Variants in MAGI3 observed in about 807,000 individuals in gnomAD.
MAGI3 encodes membrane-associated guanylate kinase, WW and PDZ domain-containing protein 3.
A neutral mutation model predicts 121.8 loss-of-function variants in MAGI3; 43 were observed. That is an observed-to-expected ratio of 0.35 (90% CI 0.28 to 0.46). The LOEUF (loss-of-function observed/expected upper bound fraction) is 0.46. Among genes scored for constraint, MAGI3 ranks in the 20% least tolerant of loss-of-function variants. The pLI is 1.00. For missense variants in MAGI3, 1,547 were observed against 1,797.3 expected (o/e 0.86, Z 2.52); for synonymous variants, 553 against 639.3 (o/e 0.86, Z 2.04).
At chr1:113,441,140 C>A (rs1323737480) in intron 1 of MAGI3, among the ~76,000 whole-genome samples, 1 of 152,102 alleles carries the variant, frequency 6.6e-6, no homozygotes, top group Non-Finnish European at 1.5e-5. Flanking sequence ...ATGTCAACTT[C>A]CGGAAGATGA....
chr1:113,591,315 A>T (rs1648676938), intron 5 of MAGI3, among the ~76,000 whole-genome samples: 1 of 152,166 alleles, frequency 6.6e-6, no homozygotes, highest in South Asian at 2.1e-4. Context: ...GAATTTTTAT[A>T]TTCTCACGTA....
At chr1:113,401,841 C>T (rs1167806659) in intron 1 of MAGI3, among the ~76,000 whole-genome samples, 10 of 152,108 alleles carry the variant, frequency 6.6e-5, no homozygotes, top group Admixed American at 5.9e-4. Flanking sequence ...TTAAGTAGAC[C>T]TTTCTCCTTC....
At chr1:113,633,025 G>A (rs1651736925) in intron 9 of MAGI3, among the ~76,000 whole-genome samples, 1 of 147,922 alleles carries the variant, frequency 6.8e-6, no homozygotes, top group Admixed American at 6.7e-5. Flanking sequence ...TTAGCATTAG[G>A]TATATCTCCT....
intron 2 of MAGI3, among the ~76,000 whole-genome samples, chr1:113,571,295 C>T (rs1453739422): frequency 6.6e-6 from 1 of 152,016 alleles, no homozygotes; most frequent in Non-Finnish European, 1.5e-5. Context: ...GGTTACTTTA[C>T]CCTTGTAGTA....
intron 4 of MAGI3, among the ~76,000 whole-genome samples, chr1:113,589,314 T>C (rs146263023): frequency 3.3e-5 from 5 of 152,242 alleles, no homozygotes; most frequent in Non-Finnish European, 7.4e-5. Flanking sequence ...TGTGCTATGA[T>C]CATCATGCAT....
chr1:113,588,705 G>A (rs1307367647), intron 4 of MAGI3, among the ~76,000 whole-genome samples: 3 of 152,150 alleles, frequency 2.0e-5, no homozygotes, highest in African/African-American at 7.2e-5. Flanking sequence ...ATGGAACTGA[G>A]AAATGATCAT....
At chr1:113,624,057 A>G (rs146235104) in intron 9 of MAGI3, among the ~76,000 whole-genome samples, 3,529 of 152,286 alleles carry the variant, frequency 0.023, 146 homozygotes, top group African/African-American at 0.08. Context: ...TTATGGCTGA[A>G]TAGTACTCCA....
chr1:113,533,739 A>T (rs1207321413), intron 1 of MAGI3, among the ~76,000 whole-genome samples: 6 of 151,392 alleles, frequency 4.0e-5, no homozygotes, highest in Non-Finnish European at 8.8e-5. Context: ...CAGAGTTTTC[A>T]TCTTAATCTC....
chr1:113,400,627 A>G (rs759336270), intron 1 of MAGI3, among the ~76,000 whole-genome samples: 3 of 152,186 alleles, frequency 2.0e-5, no homozygotes, highest in African/African-American at 7.2e-5. Flanking sequence ...ATATTGATTA[A>G]TTAAGCCATG....
chr1:113,413,435 G>A (rs1220613342), intron 1 of MAGI3, among the ~76,000 whole-genome samples: 1 of 152,110 alleles, frequency 6.6e-6, no homozygotes, highest in Non-Finnish European at 1.5e-5. Flanking sequence ...GTAGCTTCAT[G>A]GGGATGGCAT....
chr1:113,508,628 G>A (rs1657459357), intron 1 of MAGI3, among the ~76,000 whole-genome samples: 1 of 152,220 alleles, frequency 6.6e-6, no homozygotes, highest in Admixed American at 6.5e-5. Context: ...AGAGATGTGA[G>A]TGCTGATATG....
At chr1:113,619,224 T>C (rs995486377) in intron 7 of MAGI3, among the ~76,000 whole-genome samples, 17 of 152,192 alleles carry the variant, frequency 1.1e-4, no homozygotes, top group East Asian at 3.8e-4. Flanking sequence ...ATACTATAGT[T>C]GATAAAAGCA....
intron 3 of MAGI3, among the ~76,000 whole-genome samples, chr1:113,582,823 T>C (rs969556241): frequency 6.7e-6 from 1 of 148,804 alleles, no homozygotes; most frequent in Non-Finnish European, 1.5e-5. Flanking sequence ...AATCTAGCAA[T>C]AATATCTAGA....
chr1:113,450,987 G>T (rs964302143), intron 1 of MAGI3, among the ~76,000 whole-genome samples: 1 of 152,174 alleles, frequency 6.6e-6, no homozygotes, highest in Non-Finnish European at 1.5e-5. Flanking sequence ...TCAATTAGAT[G>T]TACATTCCTG....
chr1:113,423,264 G>T (rs542584042), intron 1 of MAGI3, among the ~76,000 whole-genome samples: 12 of 148,958 alleles, frequency 8.1e-5, no homozygotes, highest in African/African-American at 2.5e-4. Flanking sequence ...TTTTTTGGGG[G>T]GGGGGTTGTT....
rs1000359426 is a variant in MAGI3 at position 113,555,117 on chromosome 1, G to GA, written c.433+5497dup. ...AATAACATCTTTAACATGCTGCAAG[G>GA]AAAAAAAAAAACGCCAACCTGGATT... On this transcript the variant is annotated intron_variant, in intron 2 of 20. Coordinates refer to ENST00000307546, the MANE Select transcript of MAGI3 (RefSeq NM_001142782.2). Among the ~76,000 whole-genome samples, 855 of 136,228 alleles carry GA rather than the reference G, an allele frequency of 6.3e-3. 4 individuals are homozygous for GA. Among genetic ancestry groups the GA allele is most frequent in the African/African-American group, 0.021 (770 of 37,272 alleles). 89.4% of individuals were successfully genotyped at this position (136,228 alleles called of 152,430 possible).
intron 1 of MAGI3, among the ~76,000 whole-genome samples, chr1:113,528,505 G>C (rs1658556962): frequency 6.6e-6 from 1 of 151,952 alleles, no homozygotes; most frequent in Non-Finnish European, 1.5e-5. Context: ...ACTTCATATT[G>C]TATTGCATCA....
At position 113,423,259 on chromosome 1, in the gene MAGI3, T is replaced by TGG. The variant is rs780415816; in HGVS notation, c.316+31919_316+31920dup. On this transcript the variant is annotated intron_variant, in intron 1 of 20. Transcript: ENST00000307546. ...TGGTAAGTATTCGTTTTTTTTTTTTTGGGGGGGGGGTTGTTTTTGTTTTTG... is the reference window on the plus strand; with the variant it reads ...TGGTAAGTATTCGTTTTTTTTTTTTTGGGGGGGGGGGGTTGTTTTTGTTTTTG... Among the ~76,000 whole-genome samples the TGG allele has an allele frequency of 7.2e-4, 87 of 120,258 alleles. No homozygotes were observed. The South Asian group carries it at 9.8e-3, about 13-fold the overall frequency. 78.9% of individuals were successfully genotyped at this position (120,258 alleles called of 152,430 possible).
chr1:113,465,371 T>C (rs1655230139), intron 1 of MAGI3, among the ~76,000 whole-genome samples: 1 of 152,180 alleles, frequency 6.6e-6, no homozygotes, highest in Admixed American at 6.5e-5. Flanking sequence ...TGTGTCTGTT[T>C]TTATACCAGT....
Sources: allele counts gnomAD v4.1 joint callset (sites outside exome capture counted in the v4.1 genomes callset), GRCh38; gene constraint gnomAD v4.1.1; transcripts MANE v1.5; gene names NCBI Gene and HGNC (gene_info 2026-07-23, HGNC 2026-07-21).